Variants in KIF26B observed in about 807,000 individuals in gnomAD.
The protein encoded by KIF26B is kinesin-like protein KIF26B.
KIF26B carries 63 observed loss-of-function variants against 151.2 expected under a neutral mutation model. The ratio of observed to expected loss-of-function variants is 0.42; its 90% confidence interval spans 0.34 to 0.51. The LOEUF (loss-of-function observed/expected upper bound fraction) is 0.51, where lower values mean the gene tolerates loss of function less well. Ranked by LOEUF, KIF26B falls within the 20% of genes least tolerant of loss-of-function variation. The probability of loss-of-function intolerance (pLI) is 0.07; values close to 1 mark genes in which losing one functional copy is unlikely to be tolerated. For synonymous variants in KIF26B, 1,357 were observed against 1,262.1 expected (o/e 1.08, Z -1.59); for missense variants, 2,813 against 2,913.6 (o/e 0.97, Z 0.79).
intron 5 of KIF26B, among the ~76,000 whole-genome samples, chr1:245,566,510 T>C (rs912805609): frequency 3.3e-5 from 5 of 152,208 alleles, no homozygotes; most frequent in Non-Finnish European, 5.9e-5. Flanking sequence ...GCCAAACAAA[T>C]ACAGTTGCTT....
In KIF26B at chr1:245,699,044, C is replaced by A. The variant is rs2044734474; in HGVS notation, c.6178+7C>A. 6.2e-7 allele frequency: 1 copy of A among 1,612,296 alleles called. No homozygotes were observed. Among genetic ancestry groups the A allele is most frequent in the East Asian group, 2.2e-5 (1 of 44,850 alleles). ...AACAAGTGGCTCAGTGAATGTAAGG[C>A]CGGGGTGCCTTCCCACCCTTGTGAC... On this transcript the variant is annotated splice_region_variant and intron_variant, in intron 14 of 14. Transcript: ENST00000407071.
chr1:245,349,116 C>T (rs1218048022), intron 2 of KIF26B, among the ~76,000 whole-genome samples: 1 of 152,186 alleles, frequency 6.6e-6, no homozygotes, highest in African/African-American at 2.4e-5. Context: ...CTCTATCGCA[C>T]AACTGGGTAT....
intron 4 of KIF26B, among the ~76,000 whole-genome samples, chr1:245,441,722 A>T (rs1276569380): frequency 6.6e-6 from 1 of 152,256 alleles, no homozygotes; most frequent in Non-Finnish European, 1.5e-5. Flanking sequence ...AGGGGAAAAG[A>T]TAATAAAATA....
chr1:245,201,185 A>G (rs1669294713), intron 2 of KIF26B, among the ~76,000 whole-genome samples: 1 of 152,246 alleles, frequency 6.6e-6, no homozygotes, highest in Non-Finnish European at 1.5e-5. Flanking sequence ...GTCCTGTCTC[A>G]GTACACACAC....
chr1:245,239,222 C>T lies in KIF26B; in HGVS notation c.465+82539C>T, dbSNP rs1034150343. On this transcript the variant is annotated intron_variant, in intron 2 of 14. Transcript: ENST00000407071. The surrounding 1 kb of genome is among the most constrained non-coding windows in gnomAD (Gnocchi z 4.3). ...TCCAGAGAATGCCTCCATGTTCTTC[C>T]GTCATCCGTGCAGATATCAGGCTGC... Among the ~76,000 whole-genome samples the T allele has an allele frequency of 9.2e-5, 14 of 152,210 alleles. No homozygotes were observed. The highest frequency in any genetic ancestry group is 6.2e-4 in the South Asian group (3 of 4,818).
intron 4 of KIF26B, among the ~76,000 whole-genome samples, chr1:245,510,745 G>T (rs1227578434): frequency 6.9e-6 from 1 of 144,912 alleles, no homozygotes; most frequent in Non-Finnish European, 1.5e-5. Context: ...AAGCGTGCTT[G>T]CATGTGCGGA....
At chr1:245,372,960 T>G (rs989464469) in intron 3 of KIF26B, among the ~76,000 whole-genome samples, 2 of 152,194 alleles carry the variant, frequency 1.3e-5, no homozygotes, top group Non-Finnish European at 2.9e-5. Context: ...AGGGAACAAT[T>G]AAGAAGAAGG....
Position 245,358,452 on chromosome 1 carries a change from C to T in KIF26B, c.466-8382C>T, listed in dbSNP as rs1028836007. ...GGAGAATGGTGTGAACCTGGGAGGC[C>T]GAGCTTGCAGTGAGCCGAGATCGCG... On this transcript the variant is annotated intron_variant, in intron 2 of 14. Coordinates refer to ENST00000407071, the MANE Select transcript of KIF26B (RefSeq NM_018012.4). This position sits in a 1 kb window ranked among gnomAD's most constrained non-coding sequence, Gnocchi z 4.1. Among the ~76,000 whole-genome samples the T allele has an allele frequency of 6.6e-6, 1 of 151,980 alleles. No individual in the cohort carries two copies. The highest frequency in any genetic ancestry group is 2.1e-4 in the South Asian group (1 of 4,824).
intron 3 of KIF26B, among the ~76,000 whole-genome samples, chr1:245,413,973 T>A (rs1158732226): frequency 6.6e-6 from 1 of 152,076 alleles, no homozygotes; most frequent in East Asian, 1.9e-4. Flanking sequence ...GGTGAAAGGG[T>A]TGAATTGTCT....
At chr1:245,181,008 GT>G (rs1668896872) in intron 2 of KIF26B, among the ~76,000 whole-genome samples, 1 of 152,126 alleles carries the variant, frequency 6.6e-6, no homozygotes. Flanking sequence ...GTCCCAGTCT[GT>G]GACAGACCCT....
chr1:245,325,094 CA>C (rs57433161), intron 2 of KIF26B, among the ~76,000 whole-genome samples: 25,828 of 96,396 alleles, frequency 0.27, 5,078 homozygotes, highest in African/African-American at 0.59. Flanking sequence ...GACCTTGTCT[CA>C]AAAAAAAAAA....
chr1:245,287,291 C>T (rs1369029631), intron 2 of KIF26B, among the ~76,000 whole-genome samples: 1 of 151,806 alleles, frequency 6.6e-6, no homozygotes, highest in Non-Finnish European at 1.5e-5. Flanking sequence ...TGGTTCATTT[C>T]GTGTACTGGT....
At chr1:245,205,635 C>T (rs999953692) in intron 2 of KIF26B, among the ~76,000 whole-genome samples, 1 of 152,112 alleles carries the variant, frequency 6.6e-6, no homozygotes, top group Admixed American at 6.5e-5. Flanking sequence ...CCATGATGTT[C>T]CTGCCACAGG....
At chr1:245,598,654 G>A (rs1264211717) in intron 5 of KIF26B, among the ~76,000 whole-genome samples, 1 of 152,042 alleles carries the variant, frequency 6.6e-6, no homozygotes. Context: ...GTTTGGGAGC[G>A]AGGCTCTGCC....
At chr1:245,633,298 TAAATC>T (rs758847717) in intron 9 of KIF26B, among the ~76,000 whole-genome samples, 7 of 147,524 alleles carry the variant, frequency 4.7e-5, no homozygotes, top group Admixed American at 1.3e-4. Flanking sequence ...TTTTTTTAAA[TAAATC>T]CATTCATCTT....
At chr1:245,338,100 A>G (rs1018005019) in intron 2 of KIF26B, among the ~76,000 whole-genome samples, 2 of 152,234 alleles carry the variant, frequency 1.3e-5, no homozygotes, top group Non-Finnish European at 2.9e-5. Context: ...GTCATGCGGC[A>G]TGGAATGAAA....
chr1:245,270,122 T>C (rs1218696323), intron 2 of KIF26B, among the ~76,000 whole-genome samples: 3 of 105,438 alleles, frequency 2.8e-5, no homozygotes, highest in Non-Finnish European at 5.8e-5. Context: ...GCTGTTCTTT[T>C]TTCTTCTTCC....
intron 10 of KIF26B, among the ~76,000 whole-genome samples, chr1:245,676,792 TGAGGG>T (rs2044361738): frequency 1.3e-5 from 2 of 152,222 alleles, no homozygotes; most frequent in Non-Finnish European, 2.9e-5. Flanking sequence ...CTGATGTCCC[TGAGGG>T]CTCTCATGAA....
chr1:245,642,819 G>A (rs1433643673), intron 9 of KIF26B, among the ~76,000 whole-genome samples: 2 of 152,186 alleles, frequency 1.3e-5, no homozygotes, highest in East Asian at 1.9e-4. Context: ...ATTACAGAGA[G>A]AGGGTCTGGA....
Sources: gnomAD v4.1 joint callset for allele counts (sites outside exome capture counted in the v4.1 genomes callset) on GRCh38, gnomAD v4.1.1 for gene constraint, Gnocchi (gnomAD v3.1) non-coding constraint, MANE v1.5 for transcripts, NCBI Gene and HGNC (gene_info 2026-07-23, HGNC 2026-07-21) for gene names.